PARVA: variants seen among roughly 807,000 people sequenced by gnomAD.
PARVA encodes the protein parvin alpha, also known as alpha-parvin.
Under a neutral mutation model 52.6 loss-of-function variants are expected in PARVA, and 25 were observed. The observed-to-expected ratio is 0.48, with a 90% CI of 0.35 to 0.66. The LOEUF (loss-of-function observed/expected upper bound fraction) is 0.66. PARVA is among the 30% of genes least tolerant of loss of function. The pLI is 0.01. For synonymous variants in PARVA, 185 were observed against 179.1 expected (o/e 1.03, Z -0.26); for missense variants, 373 against 450.9 (o/e 0.83, Z 1.56).
chr11:12,486,464 C>T (rs550991828), intron 4 of PARVA, among the ~76,000 whole-genome samples: 2 of 151,960 alleles, frequency 1.3e-5, no homozygotes, highest in South Asian at 2.1e-4. Flanking sequence ...ACTCGGCAGG[C>T]GGAGGTTGCA....
At position 12,482,603 on chromosome 11, in the gene PARVA, G is replaced by A. The variant is rs760053327; in HGVS notation, c.400+4654G>A. ...ATCATACCATTGCACTCCAGCCTGGGTGACAGAGCAAGTCTCCATCTCAAA... is the reference window on the plus strand; with the variant it reads ...ATCATACCATTGCACTCCAGCCTGGATGACAGAGCAAGTCTCCATCTCAAA... On this transcript the variant is annotated intron_variant, in intron 4 of 12. Coordinates refer to ENST00000334956, the MANE Select transcript of PARVA (RefSeq NM_018222.5). Among the ~76,000 whole-genome samples the A allele has an allele frequency of 5.7e-4, 86 of 150,282 alleles. 1 individual carries two copies. The highest frequency in any genetic ancestry group is 3.4e-4 in the Non-Finnish European group (23 of 67,806).
Position 12,516,505 on chromosome 11 carries a change from G to A in PARVA, c.868-1105G>A, listed in dbSNP as rs1941570194. ...TCACCCAGCCCTAAGCAGAAGACCA[G>A]CAGCCTCCGCACTTAGCTGAGGGAC... On this transcript the variant is annotated intron_variant, in intron 10 of 12. Coordinates refer to ENST00000334956, the MANE Select transcript of PARVA (RefSeq NM_018222.5). Among the ~76,000 whole-genome samples the A allele has an allele frequency of 2.0e-5, 3 of 152,160 alleles. No individual in the cohort carries two copies. In the South Asian group the frequency reaches 6.2e-4, roughly 32 times the overall value.
chr11:12,492,004 G>T (rs1409211490), intron 4 of PARVA, among the ~76,000 whole-genome samples: 1 of 152,152 alleles, frequency 6.6e-6, no homozygotes, highest in Non-Finnish European at 1.5e-5. Context: ...AATATACTTG[G>T]AGACAAAAGT....
At chr11:12,486,299 C>T (rs559958328) in intron 4 of PARVA, among the ~76,000 whole-genome samples, 128 of 152,160 alleles carry the variant, frequency 8.4e-4, no homozygotes, top group African/African-American at 3.0e-3. Flanking sequence ...TTTGGGAGGC[C>T]GAGGTGGGTG....
chr11:12,527,562 C>T (rs993893288), intron 12 of PARVA, among the ~76,000 whole-genome samples: 1 of 152,162 alleles, frequency 6.6e-6, no homozygotes, highest in Non-Finnish European at 1.5e-5. Context: ...TCCTTTTCAC[C>T]ACCCATGGTT....
At chr11:12,379,582 T>C (rs187951961) in intron 1 of PARVA, among the ~76,000 whole-genome samples, 171 of 152,348 alleles carry the variant, frequency 1.1e-3, no homozygotes, top group Middle Eastern at 3.4e-3. Flanking sequence ...CTAAAAAATG[T>C]TTTTAATAGA....
intron 1 of PARVA, among the ~76,000 whole-genome samples, chr11:12,378,995 G>A (rs935768334): frequency 6.6e-6 from 1 of 152,140 alleles, no homozygotes; most frequent in East Asian, 1.9e-4. Flanking sequence ...GGGGCTGCTG[G>A]TTGCCCATTT....
At chr11:12,522,895 T>C (rs1185133254) in intron 12 of PARVA, among the ~76,000 whole-genome samples, 1 of 151,924 alleles carries the variant, frequency 6.6e-6, no homozygotes, top group Non-Finnish European at 1.5e-5. Flanking sequence ...ATGTTGATGC[T>C]AGGACTGGTA....
intron 1 of PARVA, among the ~76,000 whole-genome samples, chr11:12,410,180 C>T (rs529652381): frequency 2.0e-4 from 30 of 152,346 alleles, no homozygotes; most frequent in Middle Eastern, 3.4e-3. Flanking sequence ...TAGGCATCTC[C>T]GGGCTGGGCC....
chr11:12,473,413 G>A (rs1210688304), intron 1 of PARVA, among the ~76,000 whole-genome samples: 2 of 152,160 alleles, frequency 1.3e-5, no homozygotes, highest in African/African-American at 4.8e-5. Context: ...GGGACAGGCA[G>A]GAGGTAGAGA....
At chr11:12,432,607 C>T (rs1940329789) in intron 1 of PARVA, among the ~76,000 whole-genome samples, 1 of 152,212 alleles carries the variant, frequency 6.6e-6, no homozygotes, top group Non-Finnish European at 1.5e-5. Context: ...GGCAAGTCAA[C>T]AGAACCAAAC....
chr11:12,476,957 C>T (rs945867497), intron 3 of PARVA, among the ~76,000 whole-genome samples: 6 of 152,196 alleles, frequency 3.9e-5, no homozygotes, highest in African/African-American at 1.4e-4. Context: ...GTGGTTCCCC[C>T]AGGCCTGTGG....
intron 1 of PARVA, among the ~76,000 whole-genome samples, chr11:12,443,169 C>CTTTTTTTTTTTTTTTTT (rs1180380526): frequency 1.3e-5 from 1 of 78,328 alleles, no homozygotes; most frequent in Non-Finnish European, 2.3e-5. Context: ...CGCCCCCCTT[C>CTTTTTTTTTTTTTTTTT]TTTTTTTTTT....
Position 12,533,808 on chromosome 11 carries a change from C to CTGAGGAGGAGGAGGAGGAGGAGGAGGA in PARVA, c.*5883_*5884insTGAGGAGGAGGAGGAGGAGGAGGAGGA, listed in dbSNP as rs56689985. Among the ~76,000 whole-genome samples, 1 of 150,164 alleles carries CTGAGGAGGAGGAGGAGGAGGAGGAGGA rather than the reference C, an allele frequency of 6.7e-6. No homozygotes were observed. The highest frequency in any genetic ancestry group is 2.5e-5 in the African/African-American group (1 of 40,576). ...CCTCATGGTCATCACATTGAGTAGG[C>CTGAGGAGGAGGAGGAGGAGGAGGAGGA]GGAGGAGGAGGAGGAGGAGGAGGAG... On this transcript the variant is annotated 3_prime_UTR_variant, in exon 13 of 13. Coordinates refer to ENST00000334956, the MANE Select transcript of PARVA (RefSeq NM_018222.5).
At chr11:12,483,309 G>A (rs993060103) in intron 4 of PARVA, among the ~76,000 whole-genome samples, 1 of 152,240 alleles carries the variant, frequency 6.6e-6, no homozygotes, top group Non-Finnish European at 1.5e-5. Flanking sequence ...AGACAAGGAT[G>A]TGGGTGGAGG....
intron 1 of PARVA, among the ~76,000 whole-genome samples, chr11:12,427,870 C>T (rs763522307): frequency 5.3e-5 from 8 of 152,204 alleles, no homozygotes; most frequent in Non-Finnish European, 8.8e-5. Flanking sequence ...AGCCTGTTCC[C>T]GATTTCTAGG....
chr11:12,419,768 C>G (rs917502599), intron 1 of PARVA, among the ~76,000 whole-genome samples: 3 of 152,124 alleles, frequency 2.0e-5, no homozygotes, highest in Non-Finnish European at 4.4e-5. Context: ...ACATCCTCAC[C>G]AATACTTATT....
At chr11:12,453,523 C>G (rs1187846214) in intron 1 of PARVA, among the ~76,000 whole-genome samples, 2 of 152,104 alleles carry the variant, frequency 1.3e-5, no homozygotes, top group Non-Finnish European at 2.9e-5. Flanking sequence ...GTACAAGTAT[C>G]TTACTGTAAG....
intron 1 of PARVA, among the ~76,000 whole-genome samples, chr11:12,473,000 T>C (rs979497343): frequency 1.3e-5 from 2 of 152,138 alleles, no homozygotes. Context: ...TGTTTTTGTT[T>C]TTCTTTCTGA....
Sources: allele counts gnomAD v4.1 joint callset (sites outside exome capture counted in the v4.1 genomes callset), GRCh38; gene constraint gnomAD v4.1.1; transcripts MANE v1.5; gene names NCBI Gene and HGNC (gene_info 2026-07-23, HGNC 2026-07-21).